The following TG variants were observed in gnomAD, a reference collection of about 807,000 sequenced individuals.
The protein encoded by TG is thyroglobulin, also known as thyroid hormones.
Under a neutral mutation model 324.7 loss-of-function variants are expected in TG, and 270 were observed. The ratio of observed to expected loss-of-function variants is 0.83; its 90% confidence interval spans 0.75 to 0.92. TG has a LOEUF of 0.92. Ranked by LOEUF, TG falls within the 40% of genes least tolerant of loss-of-function variation. The pLI is 0.00. For synonymous variants in TG, 1,401 were observed against 1,327.0 expected (o/e 1.06, Z -1.21); for missense variants, 3,591 against 3,456.4 (o/e 1.04, Z -0.98).
intron 41 of TG, among the ~76,000 whole-genome samples, chr8:133,060,696 A>G (rs1371983382): frequency 6.6e-6 from 1 of 152,220 alleles, no homozygotes; most frequent in Non-Finnish European, 1.5e-5. Context: ...TTAACAAAGG[A>G]TGAAAGAGGA....
intron 41 of TG, chr8:133,064,238 T>C (rs369658039): frequency 1.2e-4 from 19 of 152,344 alleles, no homozygotes; most frequent in African/African-American, 4.6e-4. Flanking sequence ...ATAACCCCAT[T>C]TAATTTTAGC....
At chr8:132,969,312 T>C (rs1829126935) in intron 31 of TG, 146 bp from the exon 32 acceptor site, 2 of 658,458 alleles carry the variant, frequency 3.0e-6, no homozygotes, top group Non-Finnish European at 2.7e-6. Context: ...TTTAGTGAGA[T>C]TTGAGTTAGG....
At chr8:132,890,313 A>G (rs539840372) in intron 10 of TG, among the ~76,000 whole-genome samples, 1 of 152,350 alleles carries the variant, frequency 6.6e-6, no homozygotes, top group Admixed American at 6.5e-5. Flanking sequence ...TTATTTTAGT[A>G]GTATGTGTAT....
chr8:132,976,802 G>A (rs1830231389), intron 34 of TG, among the ~76,000 whole-genome samples: 1 of 152,168 alleles, frequency 6.6e-6, no homozygotes, highest in Admixed American at 6.6e-5. Flanking sequence ...TTGACATGGT[G>A]TGATTTGACT....
chr8:132,887,649 A>G, intron 9 of TG, 101 bp downstream of exon 9: 1 of 1,509,786 alleles, frequency 6.6e-7, no homozygotes, highest in Non-Finnish European at 9.2e-7. Flanking sequence ...GCCAATGCTT[A>G]CACTTCAGTT....
intron 26 of TG, among the ~76,000 whole-genome samples, chr8:132,944,364 T>A (rs926434932): frequency 6.6e-6 from 1 of 152,214 alleles, no homozygotes; most frequent in African/African-American, 2.4e-5. Context: ...CTCCAAGTCA[T>A]CCTATTCAAC....
At chr8:132,953,417 G>C (rs1177860835) in intron 27 of TG, among the ~76,000 whole-genome samples, 1 of 152,202 alleles carries the variant, frequency 6.6e-6, no homozygotes, top group Non-Finnish European at 1.5e-5. Flanking sequence ...TGGGGTGAGA[G>C]ATACAGAGAT....
intron 32 of TG, 113 bp from the exon 33 acceptor site, chr8:132,971,681 G>C (rs1317272775): frequency 1.3e-6 from 1 of 760,018 alleles, no homozygotes; most frequent in African/African-American, 1.7e-5. Flanking sequence ...TTAAGTAGGG[G>C]GTAAAAAAAT....
intron 30 of TG, among the ~76,000 whole-genome samples, chr8:132,967,420 G>T (rs1828786828): frequency 6.6e-6 from 1 of 152,152 alleles, no homozygotes; most frequent in Non-Finnish European, 1.5e-5. Context: ...CAGGTGCAGG[G>T]AGACCATTCA....
chr8:133,110,596 A>G (rs999121499), intron 43 of TG, among the ~76,000 whole-genome samples: 15 of 152,224 alleles, frequency 9.9e-5, no homozygotes, highest in Non-Finnish European at 2.1e-4. Context: ...ATTGAAACCA[A>G]TTAAACCCAT....
chr8:133,017,067 C>A (rs927486320), intron 37 of TG, among the ~76,000 whole-genome samples: 3 of 152,162 alleles, frequency 2.0e-5, no homozygotes, highest in African/African-American at 4.8e-5. Flanking sequence ...TGGTCCCAAC[C>A]CTTTGTGCAT....
At chr8:132,957,494 C>T (rs1827063015) in intron 27 of TG, among the ~76,000 whole-genome samples, 1 of 152,050 alleles carries the variant, frequency 6.6e-6, no homozygotes, top group African/African-American at 2.4e-5. Context: ...TGAAAAGCAT[C>T]TATAATTTTT....
At chr8:133,095,578 G>T (rs1204420656) in intron 42 of TG, among the ~76,000 whole-genome samples, 1 of 152,252 alleles carries the variant, frequency 6.6e-6, no homozygotes, top group African/African-American at 2.4e-5. Flanking sequence ...ACAGCTAGAT[G>T]TGTTGAGTAT....
At chr8:132,868,094 G>A in intron 1 of TG, 21 bp from the exon 2 acceptor site, 1 of 1,611,732 alleles carries the variant, frequency 6.2e-7, no homozygotes, top group South Asian at 1.1e-5. Flanking sequence ...CTTCTTTGAT[G>A]AACCACTTTT....
At chr8:132,885,133 G>T (rs916694086) in intron 8 of TG, among the ~76,000 whole-genome samples, 2 of 150,982 alleles carry the variant, frequency 1.3e-5, no homozygotes, top group African/African-American at 2.5e-5. Context: ...AAAAGTTGGG[G>T]GGGGGGCGTG....
At chr8:132,992,067 G>T (rs1397078137) in intron 35 of TG, among the ~76,000 whole-genome samples, 2 of 152,154 alleles carry the variant, frequency 1.3e-5, no homozygotes, top group Middle Eastern at 3.2e-3. Context: ...TTAAGACTCA[G>T]TTATGGTTTC....
intron 16 of TG, 26 bp from the exon 17 acceptor site, chr8:132,906,662 C>A (rs774581671): frequency 6.2e-7 from 1 of 1,612,710 alleles, no homozygotes; most frequent in Non-Finnish European, 8.5e-7. Flanking sequence ...CAGGTGCCCA[C>A]CACGGCTCCA....
chr8:132,964,812 A>G (rs1828305985), intron 29 of TG: 1 of 685,280 alleles, frequency 1.5e-6, no homozygotes, highest in Non-Finnish European at 2.7e-6. Context: ...CAGTGTGGCA[A>G]GGGATGCAAT....
At chr8:132,926,227 C>T (rs1821847889) in intron 22 of TG, among the ~76,000 whole-genome samples, 1 of 152,218 alleles carries the variant, frequency 6.6e-6, no homozygotes, top group South Asian at 2.1e-4. Flanking sequence ...GAGGAATTTG[C>T]TCCTTCCTCA....
Sources: gnomAD v4.1 joint callset for allele counts (sites outside exome capture counted in the v4.1 genomes callset) on GRCh38, gnomAD v4.1.1 for gene constraint, MANE v1.5 for transcripts, NCBI Gene and HGNC (gene_info 2026-07-23, HGNC 2026-07-21) for gene names.